Variants in RIT2 observed in about 807,000 individuals in gnomAD.
RIT2 encodes the protein GTP-binding protein Rit2.
In RIT2, 24 loss-of-function variants were observed where a neutral mutation model predicts 23.7. That is an observed-to-expected ratio of 1.01 (90% CI 0.73 to 1.43). RIT2 has a LOEUF of 1.43. RIT2 is among the 40% of genes most tolerant of loss of function. The probability of loss-of-function intolerance (pLI) is 0.00; values close to 1 mark genes in which losing one functional copy is unlikely to be tolerated. For synonymous variants in RIT2, 107 were observed against 91.1 expected, an observed-to-expected ratio of 1.17 and a Z score of -0.99; for missense variants, 236 against 266.9, an observed-to-expected ratio of 0.88 and a Z score of 0.81.
chr18:43,060,123 G>A (rs1353792169), intron 1 of RIT2, among the ~76,000 whole-genome samples: 1 of 152,136 alleles, frequency 6.6e-6, no homozygotes, highest in African/African-American at 2.4e-5. Flanking sequence ...ATAGAGAGCA[G>A]TAGAATTTTA....
At chr18:42,859,022 A>G (rs751031285) in intron 4 of RIT2, among the ~76,000 whole-genome samples, 22 of 152,132 alleles carry the variant, frequency 1.4e-4, no homozygotes, top group Non-Finnish European at 2.9e-4. Flanking sequence ...ACATTCATGT[A>G]TAAGTTTTTA....
At chr18:42,916,358 T>C (rs774042227) in intron 4 of RIT2, among the ~76,000 whole-genome samples, 4 of 152,098 alleles carry the variant, frequency 2.6e-5, no homozygotes, top group African/African-American at 4.8e-5. Context: ...ATCTCCAGAT[T>C]ACTCACCTTT....
intron 4 of RIT2, among the ~76,000 whole-genome samples, chr18:42,876,696 A>G (rs574154347): frequency 3.5e-4 from 53 of 151,964 alleles, no homozygotes; most frequent in Middle Eastern, 3.4e-3. Context: ...TAATTTTAGT[A>G]CAGGTTTTTT....
chr18:42,815,652 A>G (rs1450256590), intron 4 of RIT2, among the ~76,000 whole-genome samples: 2 of 152,188 alleles, frequency 1.3e-5, no homozygotes, highest in East Asian at 3.9e-4. Context: ...AAAGTAGGTA[A>G]TAATTTGATG....
intron 4 of RIT2, among the ~76,000 whole-genome samples, chr18:42,774,626 T>A (rs1185377826): frequency 6.6e-6 from 1 of 151,660 alleles, no homozygotes; most frequent in Non-Finnish European, 1.5e-5. Flanking sequence ...GACTAGACTT[T>A]TTTTTTTTTA....
chr18:42,765,047 T>A (rs1483865371), intron 4 of RIT2, among the ~76,000 whole-genome samples: 12 of 152,206 alleles, frequency 7.9e-5, no homozygotes, highest in Non-Finnish European at 1.8e-4. Flanking sequence ...TTCTTCTCAA[T>A]GGGGATTGGA....
chr18:42,957,932 C>T (rs945473925), intron 3 of RIT2, among the ~76,000 whole-genome samples: 1 of 152,122 alleles, frequency 6.6e-6, no homozygotes, highest in Non-Finnish European at 1.5e-5. Flanking sequence ...TCAGGTATAG[C>T]AGAGTGCAAT....
At position 42,923,769 on chromosome 18, in the gene RIT2, GGAA is replaced by G; in HGVS notation, c.235-9_235-7del. ...CGCATGGCTGTGAATTCTGCCTGCAGGAAAAAAAAAAAAAAATTAGTTATGGGC... is the reference window on the plus strand; with the variant it reads ...CGCATGGCTGTGAATTCTGCCTGCAGAAAAAAAAAAAAATTAGTTATGGGC... On this transcript the variant is annotated splice_polypyrimidine_tract_variant and splice_region_variant and intron_variant, in intron 3 of 4. Coordinates refer to ENST00000326695, the MANE Select transcript of RIT2 (RefSeq NM_002930.4). The G allele has an allele frequency of 6.8e-7, 1 of 1,476,776 alleles. No homozygotes were observed. The allele number at this position is 1,476,776 out of a possible 1,614,324, so 91.5% of individuals were successfully genotyped here.
chr18:42,817,617 G>A (rs112239618), intron 4 of RIT2, among the ~76,000 whole-genome samples: 2,886 of 152,040 alleles, frequency 0.019, 83 homozygotes, highest in African/African-American at 0.064. Flanking sequence ...GATGAGTGTC[G>A]CTTATCTTTA....
intron 4 of RIT2, among the ~76,000 whole-genome samples, chr18:42,832,512 T>C (rs967218099): frequency 1.3e-5 from 2 of 152,162 alleles, no homozygotes; most frequent in East Asian, 3.9e-4. Context: ...AAAAAGATCC[T>C]GAATGCAAAT....
intron 2 of RIT2, among the ~76,000 whole-genome samples, chr18:42,981,641 A>C (rs1352923538): frequency 5.3e-5 from 8 of 152,088 alleles, no homozygotes; most frequent in African/African-American, 1.9e-4. Context: ...GAAGATCAAA[A>C]TTCCAGAAAT....
At chr18:42,857,696 G>C (rs948987182) in intron 4 of RIT2, among the ~76,000 whole-genome samples, 1 of 152,152 alleles carries the variant, frequency 6.6e-6, no homozygotes, top group African/African-American at 2.4e-5. Flanking sequence ...CTATGCCCTG[G>C]ATGTTTTTGC....
At chr18:43,025,636 A>G (rs1158074578) in intron 2 of RIT2, among the ~76,000 whole-genome samples, 9 of 152,124 alleles carry the variant, frequency 5.9e-5, no homozygotes, top group African/African-American at 1.7e-4. Flanking sequence ...ATATATATAT[A>G]TGCCATGAAA....
At chr18:42,857,748 T>C (rs1457526519) in intron 4 of RIT2, among the ~76,000 whole-genome samples, 1 of 152,090 alleles carries the variant, frequency 6.6e-6, no homozygotes, top group Non-Finnish European at 1.5e-5. Context: ...GCAATTGGAG[T>C]GTACTGGACA....
chr18:42,934,367 A>T (rs1909402418), intron 3 of RIT2, among the ~76,000 whole-genome samples: 1 of 152,188 alleles, frequency 6.6e-6, no homozygotes, highest in South Asian at 2.1e-4. Flanking sequence ...TTAAAATACA[A>T]TAATTTTAAA....
chr18:42,935,321 G>A (rs1217142130), intron 3 of RIT2, among the ~76,000 whole-genome samples: 1 of 152,110 alleles, frequency 6.6e-6, no homozygotes. Flanking sequence ...TTGAATGAAC[G>A]AACAAGGACA....
At chr18:42,861,789 C>A (rs957765824) in intron 4 of RIT2, among the ~76,000 whole-genome samples, 1 of 152,136 alleles carries the variant, frequency 6.6e-6, no homozygotes, top group Non-Finnish European at 1.5e-5. Flanking sequence ...TCAAATTATC[C>A]AATACACCTC....
intron 4 of RIT2, among the ~76,000 whole-genome samples, chr18:42,899,413 T>A (rs950820335): frequency 3.3e-5 from 5 of 151,254 alleles, no homozygotes; most frequent in African/African-American, 7.3e-5. Flanking sequence ...GGCAAGTGAG[T>A]CTTTATTGTC....
intron 3 of RIT2, among the ~76,000 whole-genome samples, chr18:42,955,499 C>T: frequency 6.6e-6 from 1 of 152,122 alleles, no homozygotes; most frequent in East Asian, 1.9e-4. Context: ...CAGGTTAGGA[C>T]TTAAAAGGGT....
Sources: allele counts gnomAD v4.1 joint callset (sites outside exome capture counted in the v4.1 genomes callset), GRCh38; gene constraint gnomAD v4.1.1; transcripts MANE v1.5; gene names NCBI Gene and HGNC (gene_info 2026-07-23, HGNC 2026-07-21).